CAST: variants seen among roughly 807,000 people sequenced by gnomAD.
CAST encodes calpastatin, also known as MIR583 host.
Under a neutral mutation model 119.6 loss-of-function variants are expected in CAST, and 76 were observed. That is an observed-to-expected ratio of 0.64 (90% confidence interval 0.53 to 0.77). The LOEUF (loss-of-function observed/expected upper bound fraction) is 0.77. Ranked by LOEUF, CAST falls within the 30% of genes least tolerant of loss-of-function variation. The pLI is 0.00. For synonymous variants in CAST, 319 were observed against 331.6 expected, an observed-to-expected ratio of 0.96 and a Z score of 0.41; for missense variants, 953 against 946.5, an observed-to-expected ratio of 1.01 and a Z score of -0.09.
the CAST span, among the ~76,000 whole-genome samples, chr5:96,502,614 G>GTCTTTCTTTCTTTCTTTCTTTCTTTCTT: frequency 7.0e-6 from 1 of 143,178 alleles, no homozygotes; most frequent in African/African-American, 2.7e-5. Flanking sequence ...AAGTTACCTA[G>GTCTTTCTTTCTTTCTTTCTTTCTTTCTT]TCTTTCTTTC....
At chr5:96,739,514 G>A (rs532325972) in intron 11 of CAST, among the ~76,000 whole-genome samples, 28 of 152,280 alleles carry the variant, frequency 1.8e-4, no homozygotes, top group African/African-American at 3.1e-4. Flanking sequence ...AATGCTGGAC[G>A]TTGTTTATGG....
the CAST span, chr5:96,412,796 T>A: frequency 6.6e-6 from 2 of 301,714 alleles, no homozygotes; most frequent in Non-Finnish European, 1.1e-5. Context: ...AAGGCTCTCT[T>A]CCCAGCAAAA....
chr5:96,265,058 G>A, the CAST span, among the ~76,000 whole-genome samples: 2 of 152,160 alleles, frequency 1.3e-5, no homozygotes, highest in Non-Finnish European at 2.9e-5. Flanking sequence ...GAATTGTCAG[G>A]TAACAGGATA....
intron 1 of CAST, among the ~76,000 whole-genome samples, chr5:96,557,003 G>A (rs201309844): frequency 6.6e-6 from 1 of 151,872 alleles, no homozygotes; most frequent in Non-Finnish European, 1.5e-5. Context: ...AGAATAACAG[G>A]GGATCTCTCG....
chr5:96,567,048 G>C (rs941295697), intron 1 of CAST, among the ~76,000 whole-genome samples: 10 of 152,116 alleles, frequency 6.6e-5, no homozygotes, highest in African/African-American at 2.4e-4. Flanking sequence ...AAATTATATG[G>C]GAGTTTCTGC....
chr5:96,024,991 T>C, the CAST span, among the ~76,000 whole-genome samples: 1 of 152,182 alleles, frequency 6.6e-6, no homozygotes, highest in South Asian at 2.1e-4. Flanking sequence ...ATTAACACGT[T>C]TTTCTGCTCC....
intron 30 of CAST, among the ~76,000 whole-genome samples, chr5:96,771,301 A>G (rs17402639): frequency 0.099 from 15,103 of 152,226 alleles, 982 homozygotes; most frequent in Middle Eastern, 0.16. Flanking sequence ...GAGTGGATTT[A>G]CTGGACAGCC....
intron 1 of CAST, among the ~76,000 whole-genome samples, chr5:96,574,452 T>C (rs1428215349): frequency 6.6e-6 from 1 of 152,224 alleles, no homozygotes; most frequent in African/African-American, 2.4e-5. Flanking sequence ...TTATTGAACA[T>C]ACGGTCTGCT....
At chr5:96,735,124 T>C (rs1053173193) in intron 9 of CAST, among the ~76,000 whole-genome samples, 5 of 152,222 alleles carry the variant, frequency 3.3e-5, no homozygotes, top group African/African-American at 9.6e-5. Flanking sequence ...AGCATTGCAA[T>C]TGTAACAGTC....
At chr5:96,416,214 T>A in the CAST span, 2 of 865,700 alleles carry the variant, frequency 2.3e-6, no homozygotes, top group Non-Finnish European at 3.9e-6. Flanking sequence ...GTATATTAAC[T>A]TTTTGTCGGC....
chr5:96,450,361 T>C, the CAST span, among the ~76,000 whole-genome samples: 2 of 152,184 alleles, frequency 1.3e-5, no homozygotes, highest in Non-Finnish European at 2.9e-5. Flanking sequence ...CAAAACCTCA[T>C]GTTCTCACAA....
intron 1 of CAST, among the ~76,000 whole-genome samples, chr5:96,672,404 A>T (rs960711945): frequency 5.9e-5 from 9 of 152,178 alleles, no homozygotes; most frequent in African/African-American, 2.2e-4. Flanking sequence ...TCATAATAAA[A>T]AGCTGGGCTT....
the CAST span, among the ~76,000 whole-genome samples, chr5:96,117,061 G>A: frequency 4.6e-5 from 7 of 152,152 alleles, no homozygotes; most frequent in Non-Finnish European, 1.0e-4. Context: ...AAGGATCTCC[G>A]CCTTGGAGGT....
At chr5:96,598,976 C>T (rs1561426565) in intron 1 of CAST, among the ~76,000 whole-genome samples, 1 of 152,230 alleles carries the variant, frequency 6.6e-6, no homozygotes, top group Non-Finnish European at 1.5e-5. Context: ...ATACCACAGG[C>T]TTCTCTGGTT....
chr5:95,961,564 G>T, the CAST span: 1 of 1,573,412 alleles, frequency 6.4e-7, no homozygotes, highest in South Asian at 1.2e-5. Flanking sequence ...CCTGCCGGCC[G>T]GCCCGCTCAC....
chr5:96,031,292 C>T, the CAST span, among the ~76,000 whole-genome samples: 1 of 148,140 alleles, frequency 6.8e-6, no homozygotes, highest in African/African-American at 2.5e-5. Flanking sequence ...AGATTAAATT[C>T]CATTTATCTT....
chr5:96,538,032 C>T (rs1455112652), intron 1 of CAST, among the ~76,000 whole-genome samples: 2 of 152,204 alleles, frequency 1.3e-5, no homozygotes, highest in Non-Finnish European at 2.9e-5. Context: ...CAGGCTCTAT[C>T]TGTTTTCTCT....
At chr5:96,301,883 G>C in the CAST span, among the ~76,000 whole-genome samples, 1 of 152,124 alleles carries the variant, frequency 6.6e-6, no homozygotes, top group Non-Finnish European at 1.5e-5. Flanking sequence ...TCTACCATTC[G>C]GGGATCTGGA....
At chr5:96,425,032 GAAAGAAAGAAAGAA>G in the CAST span, among the ~76,000 whole-genome samples, 1 of 98,388 alleles carries the variant, frequency 1.0e-5, no homozygotes, top group African/African-American at 3.7e-5. Flanking sequence ...AAGAAAGAAA[GAAAGAAAGAAAGAA>G]AGAAAGAAAG....
Sources: gnomAD v4.1 joint callset for allele counts (sites outside exome capture counted in the v4.1 genomes callset) on GRCh38, gnomAD v4.1.1 for gene constraint, MANE v1.5 for transcripts, NCBI Gene and HGNC (gene_info 2026-07-23, HGNC 2026-07-21) for gene names.